Variants in LDB3 observed in about 807,000 individuals in gnomAD.
LDB3 encodes LIM domain binding 3, also known as LIM domain-binding protein 3.
In LDB3, 49 loss-of-function variants were observed where a neutral mutation model predicts 69.0. The observed-to-expected ratio is 0.71, with a 90% CI of 0.56 to 0.90. LDB3 has a LOEUF of 0.90. LDB3 is among the 40% of genes least tolerant of loss of function. The pLI, the probability that LDB3 is intolerant of heterozygous loss-of-function variation, is 0.00. For synonymous variants in LDB3, 387 were observed against 396.2 expected, an observed-to-expected ratio of 0.98 and a Z score of 0.28; for missense variants, 928 against 974.1, an observed-to-expected ratio of 0.95 and a Z score of 0.63.
intron 13 of LDB3, chr10:86,732,527 A>T (rs1168208235): frequency 2.2e-6 from 1 of 457,586 alleles, no homozygotes; most frequent in Non-Finnish European, 4.4e-6. Flanking sequence ...TGCTTTAGAC[A>T]GTCTTGCTAT....
intron 7 of LDB3, among the ~76,000 whole-genome samples, chr10:86,698,438 T>G (rs1006028110): frequency 1.3e-5 from 2 of 152,190 alleles, no homozygotes; most frequent in Non-Finnish European, 1.5e-5. Flanking sequence ...GATCGGCCCT[T>G]CCAGCCTGGA....
Position 86,716,598 on chromosome 10 carries a change from C to T in LDB3, c.1503C>T (p.Ala501=), listed in dbSNP as rs147692024. Reference sequence around the variant, plus strand: ...ATGATAGCTTCTCCCAGAAGTTTGCCCCGGGCAAGAGCACCACCTCCATCA... The same window carrying T: ...ATGATAGCTTCTCCCAGAAGTTTGCTCCGGGCAAGAGCACCACCTCCATCA... ...VTDDSFSQKF[A]PGKSTTSISK... Residue 501 remains alanine (A), a synonymous_variant, in exon 10 of 14, where the codon GCC becomes GCT. Coordinates refer to ENST00000361373, the MANE Select transcript of LDB3 (RefSeq NM_007078.3). 3.8e-5 allele frequency: 62 copies of T among 1,613,904 alleles called. No homozygotes were observed. The African/African-American group carries it at 7.9e-4, about 20-fold the overall frequency.
At chr10:86,712,042 C>T (rs1165928596) in intron 9 of LDB3, among the ~76,000 whole-genome samples, 1 of 152,114 alleles carries the variant, frequency 6.6e-6, no homozygotes, top group African/African-American at 2.4e-5. Flanking sequence ...GATATCAGGT[C>T]TCTCCTGGCG....
At chr10:86,669,052 G>GCAGA (rs1248823109) in intron 2 of LDB3, among the ~76,000 whole-genome samples, 3 of 152,070 alleles carry the variant, frequency 2.0e-5, no homozygotes, top group African/African-American at 7.2e-5. Flanking sequence ...AGGCAGGCAG[G>GCAGA]CAGGCAGGCA....
chr10:86,696,214 C>T (rs768842937), intron 7 of LDB3, among the ~76,000 whole-genome samples: 2 of 152,120 alleles, frequency 1.3e-5, no homozygotes, highest in East Asian at 3.9e-4. Context: ...CAGTTTTGCC[C>T]CCCCTGCAGC....
rs762580653 is a variant in LDB3 at position 86,680,126 on chromosome 10, A to G, written c.290A>G (p.Gln97Arg). 5.0e-6 allele frequency: 8 copies of G among 1,614,088 alleles called. No homozygotes were observed. In the South Asian group the frequency reaches 8.8e-5, roughly 18 times the overall value. ...IPISTTAPPV[Q>R]TPLPVIPHQK... ...ATCTCCACGACAGCACCTCCAGTCC[A>G]GACCCCTCTGCCGGTGATCCCTCAC... The change falls in exon 4 of 14, where the codon CAG becomes CGG. Residue 97 changes from glutamine (Q) to arginine (R), a missense_variant. Coordinates refer to ENST00000361373, the MANE Select transcript of LDB3 (RefSeq NM_007078.3).
intron 9 of LDB3, among the ~76,000 whole-genome samples, chr10:86,712,790 G>A (rs949661236): frequency 6.6e-6 from 1 of 152,222 alleles, no homozygotes; most frequent in African/African-American, 2.4e-5. Context: ...GCCGGACGCA[G>A]TGGCTCACGC....
In LDB3 at chr10:86,733,837, G is replaced by A. The variant is rs1270476254; in HGVS notation, c.*861G>A. ...TCTTTGGCCTTTGTTTAGCTTTAAG[G>A]GTTCGTTAGCATGAGTGTCCAGTCG... On this transcript the variant is annotated 3_prime_UTR_variant, in exon 14 of 14. Coordinates refer to ENST00000361373, the MANE Select transcript of LDB3 (RefSeq NM_007078.3). 6.6e-6 allele frequency: 1 copy of A among 152,084 alleles called. No homozygotes were observed. The highest frequency in any genetic ancestry group is 1.5e-5 in the Non-Finnish European group (1 of 68,078). The allele number at this position is 152,084 out of a possible 1,614,324, so 9.4% of individuals were successfully genotyped here.
At chr10:86,728,747 A>G (rs1045440816) in intron 13 of LDB3, among the ~76,000 whole-genome samples, 2 of 151,542 alleles carry the variant, frequency 1.3e-5, no homozygotes, top group Admixed American at 1.3e-4. Flanking sequence ...ACACCTGGCT[A>G]ATTTTTGTAT....
At chr10:86,730,467 G>A (rs1028732010) in intron 13 of LDB3, among the ~76,000 whole-genome samples, 9 of 152,154 alleles carry the variant, frequency 5.9e-5, no homozygotes, top group Admixed American at 2.0e-4. Flanking sequence ...CATACTAGTA[G>A]TCCAGCAAAC....
At chr10:86,690,601 C>G (rs1845710292) in intron 5 of LDB3, among the ~76,000 whole-genome samples, 1 of 152,234 alleles carries the variant, frequency 6.6e-6, no homozygotes, top group Non-Finnish European at 1.5e-5. Flanking sequence ...GGGACCAGTC[C>G]TGGGACACAA....
rs562436304 is a variant in LDB3 at position 86,731,087 on chromosome 10, A to G, written c.2095-1800A>G. On this transcript the variant is annotated intron_variant, in intron 13 of 13. Coordinates refer to ENST00000361373, the MANE Select transcript of LDB3 (RefSeq NM_007078.3). The stretch of plus-strand genomic sequence containing the variant: ...GGAGAATTGCTTGAACCCGGGAGGC[A>G]GAGGTTGCAGTGAGCTGAGATCGCG... Among the ~76,000 whole-genome samples the G allele has an allele frequency of 2.7e-5, 4 of 150,164 alleles. No individual in the cohort carries two copies. The South Asian group carries it at 6.5e-4, about 24-fold the overall frequency.
chr10:86,681,067 G>T (rs1845091689), intron 4 of LDB3, among the ~76,000 whole-genome samples: 1 of 152,254 alleles, frequency 6.6e-6, no homozygotes, highest in Admixed American at 6.5e-5. Flanking sequence ...GGTCAGTGGA[G>T]CAGGAGGCTG....
At position 86,718,820 on chromosome 10, in the gene LDB3, G is replaced by A; in HGVS notation, c.1951G>A (p.Glu651Lys). ...KPFGNSLFHM[E>K]DGEPYCEKDY... ...TTTTGGGAACAGCCTCTTCCACATG[G>A]AAGACGGGGAGCCCTACTGCGAGAA... The change falls in exon 12 of 14, where the codon GAA (glutamate) becomes AAA (lysine). Residue 651 changes from glutamate (E) to lysine (K), a missense_variant. Coordinates refer to ENST00000361373, the MANE Select transcript of LDB3 (RefSeq NM_007078.3). 6.2e-7 allele frequency: 1 copy of A among 1,614,186 alleles called. No homozygotes were observed. The highest frequency in any genetic ancestry group is 8.5e-7 in the Non-Finnish European group (1 of 1,180,030).
Position 86,699,193 on chromosome 10 carries a change from C to T in LDB3, c.896+6622C>T. ...GGAATGGTGAACACATTCCCTAACC[C>T]CTTTCATTCTCCCTCTCTTCTCTCT... On this transcript the variant is annotated intron_variant, in intron 7 of 13. Coordinates refer to ENST00000361373, the MANE Select transcript of LDB3 (RefSeq NM_007078.3). The surrounding 1 kb of genome is among the most constrained non-coding windows in gnomAD (Gnocchi z 4.9). The T allele has an allele frequency of 1.3e-6, 2 of 1,525,260 alleles. No homozygotes were observed. The highest frequency in any genetic ancestry group is 1.8e-6 in the Non-Finnish European group (2 of 1,103,114). 94.5% of individuals were successfully genotyped at this position (1,525,260 alleles called of 1,614,324 possible).
Position 86,735,052 on chromosome 10 carries a change from TACACACACACACACACAC to T in LDB3, c.*2107_*2124del, listed in dbSNP as rs56209295. 50 of 112,390 alleles carry T rather than the reference TACACACACACACACACAC, an allele frequency of 4.4e-4. No homozygotes were observed. Among genetic ancestry groups the T allele is most frequent in the Non-Finnish European group, 6.6e-4 (38 of 57,436 alleles). The allele number at this position is 112,390 out of a possible 1,614,324, so 7.0% of individuals were successfully genotyped here. On this transcript the variant is annotated 3_prime_UTR_variant, in exon 14 of 14. Transcript: ENST00000361373. ...TTCCAAAATCTCTTTTTAAAGGGTTTACACACACACACACACACACACACACACACACACACACACACA... is the reference window on the plus strand; with the variant it reads ...TTCCAAAATCTCTTTTTAAAGGGTTTACACACACACACACACACACACACA...
chr10:86,719,669 C>T (rs1004591803), intron 12 of LDB3, among the ~76,000 whole-genome samples: 1 of 152,196 alleles, frequency 6.6e-6, no homozygotes, highest in Non-Finnish European at 1.5e-5. Context: ...ATCAAATATG[C>T]GAGACCCCTT....
chr10:86,703,429 G>A (rs763109427), intron 7 of LDB3, among the ~76,000 whole-genome samples: 9 of 152,220 alleles, frequency 5.9e-5, no homozygotes, highest in Admixed American at 3.3e-4. Flanking sequence ...GGCCAGGCAC[G>A]GCTGCAGGCC....
At chr10:86,688,737 C>T (rs948549021) in intron 5 of LDB3, among the ~76,000 whole-genome samples, 1 of 152,186 alleles carries the variant, frequency 6.6e-6, no homozygotes, top group Admixed American at 6.5e-5. Context: ...CCTTGGTGTG[C>T]TCTTAAAAGT....
Sources: allele counts gnomAD v4.1 joint callset (sites outside exome capture counted in the v4.1 genomes callset), GRCh38; gene constraint gnomAD v4.1.1; non-coding constraint Gnocchi (gnomAD v3.1); transcripts MANE v1.5; gene names NCBI Gene and HGNC (gene_info 2026-07-23, HGNC 2026-07-21).